SBF2: variants seen among roughly 807,000 people sequenced by gnomAD.
SBF2 encodes myotubularin-related protein 13.
A neutral mutation model predicts 225.2 loss-of-function variants in SBF2; 112 were observed. The ratio of observed to expected loss-of-function variants is 0.50; its 90% CI spans 0.43 to 0.58. The LOEUF is 0.58. Ranked by LOEUF, SBF2 falls within the 20% of genes least tolerant of loss-of-function variation. SBF2 has a pLI of 0.00. For synonymous variants in SBF2, 763 were observed against 773.3 expected, an observed-to-expected ratio of 0.99 and a Z score of 0.22; for missense variants, 1,996 against 2,206.2, an observed-to-expected ratio of 0.90 and a Z score of 1.91.
chr11:9,984,715 G>T (rs1947120654), intron 13 of SBF2, among the ~76,000 whole-genome samples: 1 of 152,156 alleles, frequency 6.6e-6, no homozygotes, highest in Non-Finnish European at 1.5e-5. Context: ...AAACCTATCA[G>T]ATTAACAGCA....
intron 2 of SBF2, among the ~76,000 whole-genome samples, chr11:10,078,718 C>G (rs917111745): frequency 7.9e-5 from 12 of 151,936 alleles, no homozygotes; most frequent in African/African-American, 1.9e-4. Flanking sequence ...ACATGGCACA[C>G]GTATACCTAC....
intron 23 of SBF2, among the ~76,000 whole-genome samples, chr11:9,846,018 C>T (rs191606602): frequency 3.0e-4 from 45 of 152,300 alleles, no homozygotes; most frequent in African/African-American, 1.1e-3. Flanking sequence ...ATAGCAAACA[C>T]GCCCTTCTCA....
At position 10,238,751 on chromosome 11, in the gene SBF2, A is replaced by T. The variant is rs143580352; in HGVS notation, c.56-44764T>A. 1.3e-3 allele frequency among the ~76,000 whole-genome samples: 193 copies of T among 150,706 alleles called. 5 individuals carry two copies. The highest frequency in any genetic ancestry group is 4.2e-3 in the African/African-American group (174 of 41,316). On this transcript the variant is annotated intron_variant, in intron 1 of 39. Coordinates refer to ENST00000256190, the MANE Select transcript of SBF2 (RefSeq NM_030962.4). Reference sequence around the variant, plus strand: ...AACATGGTGAAACTCTGTCTCTACAAAAAATACAAAAATTAGCCAGGTGTG... The same window carrying T: ...AACATGGTGAAACTCTGTCTCTACATAAAATACAAAAATTAGCCAGGTGTG...
chr11:9,883,112 C>T (rs1266021651), intron 17 of SBF2, among the ~76,000 whole-genome samples: 4 of 151,844 alleles, frequency 2.6e-5, no homozygotes, highest in Admixed American at 2.0e-4. Context: ...CCAGTCTGGG[C>T]GACAGAGCGA....
intron 9 of SBF2, 100 bp downstream of exon 9, chr11:9,998,161 TTTAAA>T (rs1211134807): frequency 5.7e-5 from 41 of 713,274 alleles, no homozygotes; most frequent in South Asian, 8.3e-5. Flanking sequence ...TATAGCTCTC[TTTAAA>T]TTAAAGTAAC....
chr11:9,930,050 C>A (rs1241495118), intron 16 of SBF2, among the ~76,000 whole-genome samples: 2 of 151,888 alleles, frequency 1.3e-5, no homozygotes, highest in East Asian at 3.9e-4. Flanking sequence ...GGGCTTAATA[C>A]CTAGGTGATG....
At chr11:10,034,256 C>A (rs1019090999) in intron 3 of SBF2, among the ~76,000 whole-genome samples, 4 of 152,222 alleles carry the variant, frequency 2.6e-5, no homozygotes, top group Non-Finnish European at 4.4e-5. Context: ...TGGATTACAT[C>A]TGCTAGTGAT....
At chr11:9,878,215 AT>A (rs1308298333) in intron 17 of SBF2, among the ~76,000 whole-genome samples, 1 of 152,164 alleles carries the variant, frequency 6.6e-6, no homozygotes, top group Non-Finnish European at 1.5e-5. Context: ...GTGTCTGTTC[AT>A]ATCCTTTGCC....
chr11:9,796,555 G>C (rs1384481403), intron 32 of SBF2, among the ~76,000 whole-genome samples: 2 of 152,194 alleles, frequency 1.3e-5, no homozygotes, highest in African/African-American at 4.8e-5. Context: ...AGAAATGTGT[G>C]TGTGTCTGAA....
At chr11:9,981,423 A>T (rs1946953977) in intron 13 of SBF2, among the ~76,000 whole-genome samples, 1 of 152,186 alleles carries the variant, frequency 6.6e-6, no homozygotes, top group Non-Finnish European at 1.5e-5. Flanking sequence ...CCAGCTAACA[A>T]ATCTGCACAT....
chr11:10,286,166 G>GCGCA lies in SBF2; in HGVS notation c.55+7848_55+7849insTGCG, dbSNP rs373771420. Among the ~76,000 whole-genome samples, 646 of 147,336 alleles carry GCGCA rather than the reference G, an allele frequency of 4.4e-3. 3 individuals carry two copies. The highest frequency in any genetic ancestry group is 6.1e-3 in the African/African-American group (245 of 39,854). ...AATTTCTTCACATAAACACGCACAC[G>GCGCA]CACACACACACACACACACACACAC... On this transcript the variant is annotated intron_variant, in intron 1 of 39. Coordinates refer to ENST00000256190, the MANE Select transcript of SBF2 (RefSeq NM_030962.4).
intron 1 of SBF2, among the ~76,000 whole-genome samples, chr11:10,260,865 G>A (rs958623948): frequency 7.0e-6 from 1 of 143,126 alleles, no homozygotes; most frequent in Non-Finnish European, 1.5e-5. Flanking sequence ...AGGCAACAGA[G>A]AGACCCTGCC....
intron 36 of SBF2, among the ~76,000 whole-genome samples, chr11:9,785,585 G>A (rs1852318771): frequency 6.6e-6 from 1 of 152,172 alleles, no homozygotes; most frequent in Non-Finnish European, 1.5e-5. Flanking sequence ...GCTATGACCA[G>A]GCGTGGTGGC....
At chr11:9,846,254 C>A (rs1414160337) in intron 23 of SBF2, among the ~76,000 whole-genome samples, 1 of 152,196 alleles carries the variant, frequency 6.6e-6, no homozygotes, top group Admixed American at 6.5e-5. Context: ...TAAAGATCAG[C>A]AGCCTTACAT....
At chr11:9,812,440 CAA>C (rs925207290) in intron 30 of SBF2, 90 bp downstream of exon 30, 1 of 1,375,802 alleles carries the variant, frequency 7.3e-7, no homozygotes, top group African/African-American at 1.4e-5. Context: ...AGTAGGGGAA[CAA>C]AGTATTTTTT....
chr11:10,210,637 C>T (rs899312282), intron 1 of SBF2, among the ~76,000 whole-genome samples: 1 of 152,098 alleles, frequency 6.6e-6, no homozygotes. Flanking sequence ...TCATGTAGAA[C>T]CATCTGTTAA....
Position 9,970,258 on chromosome 11 carries a change from G to A in SBF2, c.1396-1713C>T, listed in dbSNP as rs1867242027. 2.6e-5 allele frequency among the ~76,000 whole-genome samples: 4 copies of A among 151,698 alleles called. No homozygotes were observed. The South Asian group carries it at 8.3e-4, about 32-fold the overall frequency. ...GTCTTGCTCTGTCGCCCAGGCTGGA[G>A]GGCAGTGGCGTGATCTCGGCTCACT... On this transcript the variant is annotated intron_variant, in intron 13 of 39. Coordinates refer to ENST00000256190, the MANE Select transcript of SBF2 (RefSeq NM_030962.4).
intron 2 of SBF2, among the ~76,000 whole-genome samples, chr11:10,092,524 CAT>C (rs1232038998): frequency 1.3e-5 from 2 of 152,156 alleles, no homozygotes; most frequent in Non-Finnish European, 1.5e-5. Context: ...AGGAGTATAT[CAT>C]TAATCATTTG....
intron 2 of SBF2, among the ~76,000 whole-genome samples, chr11:10,092,748 C>T (rs914098519): frequency 1.3e-5 from 2 of 152,176 alleles, no homozygotes; most frequent in Admixed American, 6.6e-5. Flanking sequence ...GACACATACA[C>T]ACGCATTTAA....
Sources: gnomAD v4.1 joint callset for allele counts (sites outside exome capture counted in the v4.1 genomes callset) on GRCh38, gnomAD v4.1.1 for gene constraint, MANE v1.5 for transcripts, NCBI Gene and HGNC (gene_info 2026-07-23, HGNC 2026-07-21) for gene names.